Variants in RORB observed in about 807,000 individuals in gnomAD.
The protein encoded by RORB is nuclear receptor ROR-beta.
In RORB, 6 loss-of-function variants were observed where a neutral mutation model predicts 59.1. The ratio of observed to expected loss-of-function variants is 0.10; its 90% confidence interval spans 0.06 to 0.20. RORB has a LOEUF of 0.20. RORB is among the 10% of genes least tolerant of loss of function. The pLI, the probability that RORB is intolerant of heterozygous loss-of-function variation, is 1.00. For missense variants in RORB, 320 were observed against 560.5 expected (o/e 0.57, Z 4.33); for synonymous variants, 215 against 204.5 (o/e 1.05, Z -0.44).
chr9:74,598,097 C>G (rs1210338355), intron 1 of RORB, among the ~76,000 whole-genome samples: 1 of 152,002 alleles, frequency 6.6e-6, no homozygotes, highest in Non-Finnish European at 1.5e-5. Flanking sequence ...AATTTGAATT[C>G]CATATATATT....
At chr9:74,567,187 G>C (rs80147218) in intron 1 of RORB, among the ~76,000 whole-genome samples, 1 of 151,814 alleles carries the variant, frequency 6.6e-6, no homozygotes, top group East Asian at 1.9e-4. Context: ...CACCACACCC[G>C]GCTAATTTTT....
chr9:74,662,360 T>A, intron 5 of RORB, 114 bp from the exon 6 acceptor site: 2 of 963,548 alleles, frequency 2.1e-6, no homozygotes, highest in Non-Finnish European at 1.6e-6. Context: ...ATCATATAAA[T>A]TCCCTCCTTT....
At chr9:74,525,699 T>C (rs1439380564) in intron 1 of RORB, among the ~76,000 whole-genome samples, 2 of 151,924 alleles carry the variant, frequency 1.3e-5, no homozygotes, top group Admixed American at 1.3e-4. Flanking sequence ...TTAAAGAGCA[T>C]ACATTTTCAG....
chr9:74,643,757 C>G (rs990022090), intron 4 of RORB, among the ~76,000 whole-genome samples: 2 of 152,178 alleles, frequency 1.3e-5, no homozygotes, highest in African/African-American at 4.8e-5. Flanking sequence ...GCTCAGGAAC[C>G]TTCAAGGGCT....
At chr9:74,627,788 G>T (rs1388773861) in intron 1 of RORB, among the ~76,000 whole-genome samples, 2 of 151,620 alleles carry the variant, frequency 1.3e-5, no homozygotes, top group Admixed American at 6.6e-5. Context: ...ACATTTGAAA[G>T]GTTATTGCTA....
At chr9:74,657,900 G>C (rs994322985) in intron 4 of RORB, among the ~76,000 whole-genome samples, 2 of 150,956 alleles carry the variant, frequency 1.3e-5, no homozygotes, top group Non-Finnish European at 2.9e-5. Flanking sequence ...AGCTACTCGG[G>C]AGGCTGAGGC....
At chr9:74,601,224 T>C (rs1472143738) in intron 1 of RORB, among the ~76,000 whole-genome samples, 3 of 151,930 alleles carry the variant, frequency 2.0e-5, no homozygotes, top group Non-Finnish European at 2.9e-5. Context: ...TAGAAACAAC[T>C]TAAACATTCA....
In RORB at chr9:74,564,981, T is replaced by C. The variant is rs78553517; in HGVS notation, c.8-65301T>C. Among the ~76,000 whole-genome samples, 133 of 152,330 alleles carry C rather than the reference T, an allele frequency of 8.7e-4. 2 individuals carry two copies. The East Asian group carries it at 0.022, about 25-fold the overall frequency. On this transcript the variant is annotated intron_variant, in intron 1 of 9. Coordinates refer to ENST00000376896, the MANE Select transcript of RORB (RefSeq NM_006914.4). ...TCAGCATGAGTTGAGTAAATATTGG[T>C]TCACTGGCATTTTTGAGCAGTGGCA...
intron 1 of RORB, among the ~76,000 whole-genome samples, chr9:74,544,085 G>A (rs141526226): frequency 1.2e-3 from 181 of 152,274 alleles, no homozygotes; most frequent in East Asian, 2.9e-3. Flanking sequence ...TGTACTGTCA[G>A]CAGACACAAT....
intron 1 of RORB, among the ~76,000 whole-genome samples, chr9:74,621,606 G>A (rs558429729): frequency 3.3e-5 from 5 of 152,190 alleles, no homozygotes; most frequent in Non-Finnish European, 7.3e-5. Context: ...AAATACCTAG[G>A]CACACAATTG....
chr9:74,691,815 T>C lies in RORB; in HGVS notation c.*6197T>C, dbSNP rs1824744682. The C allele has an allele frequency of 6.6e-6, 1 of 152,206 alleles. No homozygotes were observed. Among genetic ancestry groups the C allele is most frequent in the South Asian group, 2.1e-4 (1 of 4,826 alleles). 9.4% of individuals were successfully genotyped at this position (152,206 alleles called of 1,614,324 possible). On this transcript the variant is annotated 3_prime_UTR_variant, in exon 10 of 10. Coordinates refer to ENST00000376896, the MANE Select transcript of RORB (RefSeq NM_006914.4). ...TAAGCATCTTGACGGGTCATTGGTG[T>C]TAAGTGTATGCTTCTTTTTGTAATA...
intron 9 of RORB, among the ~76,000 whole-genome samples, chr9:74,672,967 A>G (rs1305441462): frequency 6.6e-6 from 1 of 152,230 alleles, no homozygotes; most frequent in Non-Finnish European, 1.5e-5. Flanking sequence ...CTTTGCACAT[A>G]CAGAGTACTG....
intron 1 of RORB, among the ~76,000 whole-genome samples, chr9:74,542,782 C>G (rs1826429117): frequency 6.6e-6 from 1 of 152,140 alleles, no homozygotes; most frequent in Non-Finnish European, 1.5e-5. Context: ...GAACACATTT[C>G]TCAATCTTGT....
chr9:74,660,125 A>G (rs1824156693), intron 4 of RORB, among the ~76,000 whole-genome samples: 1 of 151,998 alleles, frequency 6.6e-6, no homozygotes, highest in Non-Finnish European at 1.5e-5. Flanking sequence ...TCTGTTCCCT[A>G]TTTCCTCTAT....
At chr9:74,592,886 C>T (rs931040792) in intron 1 of RORB, among the ~76,000 whole-genome samples, 7 of 152,102 alleles carry the variant, frequency 4.6e-5, no homozygotes, top group South Asian at 2.1e-4. Flanking sequence ...CGCACACACA[C>T]GCACTATTCA....
Position 74,671,784 on chromosome 9 carries a change from A to G in RORB, c.1112-5A>G, listed in dbSNP as rs777338434. 6.3e-6 allele frequency: 10 copies of G among 1,598,972 alleles called. No homozygotes were observed. Among genetic ancestry groups the G allele is most frequent in the African/African-American group, 2.7e-5 (2 of 74,270 alleles). The stretch of plus-strand genomic sequence containing the variant: ...CCTCCACTTACCCACTCTTTCTTTC[A>G]TCAGACCGAGCCTGGCTTATAGAAC... On this transcript the variant is annotated splice_polypyrimidine_tract_variant and splice_region_variant and intron_variant, in intron 8 of 9. Coordinates refer to ENST00000376896, the MANE Select transcript of RORB (RefSeq NM_006914.4).
chr9:74,586,139 A>C (rs1199586941), intron 1 of RORB, among the ~76,000 whole-genome samples: 1 of 152,130 alleles, frequency 6.6e-6, no homozygotes, highest in African/African-American at 2.4e-5. Context: ...AAATTTACCA[A>C]AGTGTTAATG....
At chr9:74,600,410 C>A (rs941667421) in intron 1 of RORB, among the ~76,000 whole-genome samples, 1 of 152,154 alleles carries the variant, frequency 6.6e-6, no homozygotes, top group Non-Finnish European at 1.5e-5. Flanking sequence ...TTAAATTAAA[C>A]CTCTCCGTTC....
chr9:74,586,403 C>T (rs1822799958), intron 1 of RORB, among the ~76,000 whole-genome samples: 2 of 151,986 alleles, frequency 1.3e-5, no homozygotes, highest in African/African-American at 2.4e-5. Context: ...GAGGCTGAGG[C>T]AGGAGAATCA....
Sources: gnomAD v4.1 joint callset for allele counts (sites outside exome capture counted in the v4.1 genomes callset) on GRCh38, gnomAD v4.1.1 for gene constraint, MANE v1.5 for transcripts, NCBI Gene and HGNC (gene_info 2026-07-23, HGNC 2026-07-21) for gene names.